NACAD: variants seen among roughly 807,000 people sequenced by gnomAD.
The protein encoded by NACAD is NAC alpha domain containing.
NACAD carries 47 observed loss-of-function variants against 98.9 expected under a neutral mutation model. The observed-to-expected ratio is 0.48, with a 90% confidence interval of 0.38 to 0.61. The LOEUF is 0.61. NACAD is among the 20% of genes least tolerant of loss of function. NACAD has a pLI of 0.00. For synonymous variants in NACAD, 696 were observed against 767.2 expected (o/e 0.91, Z 1.53); for missense variants, 1,412 against 1,748.2 (o/e 0.81, Z 3.43).
At position 45,088,597 on chromosome 7, in the gene NACAD, C is replaced by T. The variant is rs1307514328; in HGVS notation, c.67+231G>A. ...GGTCGGAAGCCAAGGGCTTAAGCCC[C>T]CACGTTCTTTCTGGCTCGCGGCGGG... On this transcript the variant is annotated intron_variant, in intron 1 of 7. Coordinates refer to ENST00000490531, the MANE Select transcript of NACAD (RefSeq NM_001146334.2). This position sits in a 1 kb window ranked among gnomAD's most constrained non-coding sequence, Gnocchi z 5.7. Among the ~76,000 whole-genome samples, 1 of 152,228 alleles carries T rather than the reference C, an allele frequency of 6.6e-6. No homozygotes were observed. The highest frequency in any genetic ancestry group is 1.5e-5 in the Non-Finnish European group (1 of 68,042).
chr7:45,082,711 C>A lies in NACAD; in HGVS notation c.3469G>T (p.Val1157Leu), dbSNP rs1784450858. 6.6e-7 allele frequency: 1 copy of A among 1,525,946 alleles called. No individual in the cohort carries two copies. The allele number at this position is 1,525,946 out of a possible 1,614,324, so 94.5% of individuals were successfully genotyped here. A position where few individuals can be genotyped will look rare whatever the true frequency, so the allele number is the denominator to read the frequency against. Reference sequence around the variant, plus strand: ...CTGTCCAGACTGGACACAGCCCCTACTGAAGACTCTGGGCAGGAGTCCAGA... The same window carrying A: ...CTGTCCAGACTGGACACAGCCCCTAATGAAGACTCTGGGCAGGAGTCCAGA... Reference protein sequence around the residue: ...ASLDSCPESSVGAVSSLDRGC... With the variant: ...ASLDSCPESSLGAVSSLDRGC... Residue 1157 changes from valine to leucine, a missense_variant, in exon 2 of 8, where the codon GTA becomes TTA. Val to Leu is a conservative substitution (Grantham distance 32). Coordinates refer to ENST00000490531, the MANE Select transcript of NACAD (RefSeq NM_001146334.2). The surrounding 1 kb of genome is among the most constrained non-coding windows in gnomAD (Gnocchi z 4.5).
rs1052273661 is a variant in NACAD at position 45,083,231 on chromosome 7, ATTC to A, written c.2946_2948del (p.Lys982del). The stretch of plus-strand genomic sequence containing the variant: ...GCTCCGGGACTGTAGGGAGGGCTGC[ATTC>A]TTCTCCTCAGGTGCTGGCCTGGGGC... On this transcript the variant is annotated inframe_deletion, in exon 2 of 8. Coordinates refer to ENST00000490531, the MANE Select transcript of NACAD (RefSeq NM_001146334.2). 8.4e-6 allele frequency: 13 copies of A among 1,550,774 alleles called. No individual in the cohort carries two copies. The Admixed American group carries it at 1.8e-4, about 21-fold the overall frequency.
At chr7:45,087,788 G>A (rs1358161630) in intron 1 of NACAD, among the ~76,000 whole-genome samples, 1 of 152,224 alleles carries the variant, frequency 6.6e-6, no homozygotes, top group African/African-American at 2.4e-5. Context: ...TCAGGAGTGG[G>A]CGTGGCTGGT....
chr7:45,083,083 G>A lies in NACAD; in HGVS notation c.3097C>T (p.Pro1033Ser). 1 of 1,550,830 alleles carries A rather than the reference G, an allele frequency of 6.4e-7. No homozygotes were observed. The highest frequency in any genetic ancestry group is 1.2e-5 in the South Asian group (1 of 84,068). The change falls in exon 2 of 8, where the codon CCG becomes TCG. Residue 1033 changes from proline to serine, a missense_variant. Around this residue, in one of 5 missense-constraint regions of NACAD, gnomAD observed 572 missense variants for 639.6 expected, o/e 0.89. Coordinates refer to ENST00000490531, the MANE Select transcript of NACAD (RefSeq NM_001146334.2). ...ATTTCCTCCCCAGCACCAGAGGCCGGCTCAGGGAGACTGAGGGCCTCCATG... is the reference window on the plus strand; with the variant it reads ...ATTTCCTCCCCAGCACCAGAGGCCGACTCAGGGAGACTGAGGGCCTCCATG... ...LGMEALSLPE[P>S]ASGAGEEIAE...
Position 45,088,180 on chromosome 7 carries a change from C to T in NACAD, c.67+648G>A, listed in dbSNP as rs1215513647. Reference sequence around the variant, plus strand: ...TCGGCTCTTTCTAGGCCCCGTAGACCCCATCAGCCTCCACCAGCATTTGTT... The same window carrying T: ...TCGGCTCTTTCTAGGCCCCGTAGACTCCATCAGCCTCCACCAGCATTTGTT... On this transcript the variant is annotated intron_variant, in intron 1 of 7. Coordinates refer to ENST00000490531, the MANE Select transcript of NACAD (RefSeq NM_001146334.2). The surrounding 1 kb of genome is among the most constrained non-coding windows in gnomAD (Gnocchi z 5.7). Among the ~76,000 whole-genome samples, 1 of 152,200 alleles carries T rather than the reference C, an allele frequency of 6.6e-6. No homozygotes were observed. Among genetic ancestry groups the T allele is most frequent in the Non-Finnish European group, 1.5e-5 (1 of 68,028 alleles).
rs987264146 is a variant in NACAD at position 45,084,612 on chromosome 7, G to A, written c.1568C>T (p.Ala523Val). ...GCCCTCCTGGGAGGGCTGAGGCATTGCCATGGCAGCAGATTCTTGTCCAGC... is the reference window on the plus strand; with the variant it reads ...GCCCTCCTGGGAGGGCTGAGGCATTACCATGGCAGCAGATTCTTGTCCAGC... ...STAGQESAAM[A>V]MPQPSQEGIS... Residue 523 changes from alanine to valine, a missense_variant, in exon 2 of 8, where the codon GCA becomes GTA. Coordinates refer to ENST00000490531, the MANE Select transcript of NACAD (RefSeq NM_001146334.2). 4 of 1,551,612 alleles carry A rather than the reference G, an allele frequency of 2.6e-6. No homozygotes were observed. The African/African-American group carries it at 5.5e-5, about 21-fold the overall frequency.
chr7:45,082,508 G>C lies in NACAD; in HGVS notation c.3672C>G (p.Pro1224=). Residue 1224 remains proline (P), a synonymous_variant, in exon 2 of 8, where the codon CCC becomes CCG. Transcript: ENST00000490531. This position sits in a 1 kb window ranked among gnomAD's most constrained non-coding sequence, Gnocchi z 4.5. ...CAGGAGCAGAAGGGTCAGGGCCCAG[G>C]GGCCTGTCCACGGGCGTGCTGGGCT... ...KGQPSTPVDR[P]LGPDPSAPGT... is the part of the protein sequence containing the mutation. 6.5e-7 allele frequency: 1 copy of C among 1,549,738 alleles called. No homozygotes were observed. The highest frequency in any genetic ancestry group is 1.2e-5 in the South Asian group (1 of 84,034).
In NACAD at chr7:45,088,870, C is replaced by T. The variant is rs1050522844; in HGVS notation, c.25G>A (p.Glu9Lys). The change falls in exon 1 of 8, where the codon GAG becomes AAG. Residue 9 changes from glutamate to lysine, a missense_variant. Transcript: ENST00000490531. This position sits in a 1 kb window ranked among gnomAD's most constrained non-coding sequence, Gnocchi z 5.7. ...CGGTCCGCCTCGGGCAGCAGCAGCT[C>T]GGCGCGGGCAGCCTCCCCAGGCATG... MPGEAARA[E>K]LLLPEADRPG... 8 of 1,485,744 alleles carry T rather than the reference C, an allele frequency of 5.4e-6. No individual in the cohort carries two copies. The highest frequency in any genetic ancestry group is 1.3e-5 in the South Asian group (1 of 79,380). The allele number at this position is 1,485,744 out of a possible 1,614,324, so 92.0% of individuals were successfully genotyped here.
In NACAD at chr7:45,088,742, GA is replaced by G; in HGVS notation, c.67+85del. On this transcript the variant is annotated intron_variant, in intron 1 of 7. Coordinates refer to ENST00000490531, the MANE Select transcript of NACAD (RefSeq NM_001146334.2). This position sits in a 1 kb window ranked among gnomAD's most constrained non-coding sequence, Gnocchi z 5.7. ...CGAGGGGGGCCAGGGGGATGGGGGA[GA>G]GGGGTGAAAGGTGAGCGATGGAAAG... The G allele has an allele frequency of 8.6e-7, 1 of 1,159,206 alleles. No homozygotes were observed. The highest frequency in any genetic ancestry group is 3.2e-5 in the East Asian group (1 of 31,376). The allele number at this position is 1,159,206 out of a possible 1,614,324, so 71.8% of individuals were successfully genotyped here. A position where few individuals can be genotyped will look rare whatever the true frequency, so the allele number is the denominator to read the frequency against.
chr7:45,086,096 C>G lies in NACAD; in HGVS notation c.84G>C (p.Ala28=). 1.3e-6 allele frequency: 2 copies of G among 1,535,836 alleles called. No homozygotes were observed. Among genetic ancestry groups the G allele is most frequent in the Non-Finnish European group, 1.7e-6 (2 of 1,146,804 alleles). ...PGPRTDLSCD[A]AAATTILGGD... ...CTCCCAGGATGGTGGTGGCAGCGGC[C>G]GCATCGCAGGACAGATCTGTGGAGA... Residue 28 remains alanine, a synonymous_variant, in exon 2 of 8, where the codon GCG becomes GCC. Transcript: ENST00000490531.
At position 45,080,626 on chromosome 7, in the gene NACAD, C is replaced by G; in HGVS notation, c.4674+14G>C. The G allele has an allele frequency of 6.4e-7, 1 of 1,551,340 alleles. No homozygotes were observed. On this transcript the variant is annotated intron_variant, in intron 7 of 7. Transcript: ENST00000490531. ...ACAGCTCAGGGGTAGGGAAAGGGGC[C>G]AGTGCTCACTCACCATGATGGCGTT...
Position 45,084,748 on chromosome 7 carries a change from C to G in NACAD, c.1432G>C (p.Glu478Gln). The G allele has an allele frequency of 1.3e-6, 2 of 1,551,122 alleles. No homozygotes were observed. Among genetic ancestry groups the G allele is most frequent in the Non-Finnish European group, 1.7e-6 (2 of 1,146,944 alleles). Reference sequence around the variant, plus strand: ...TGAGGGGTCACAGTGGCAGTGGACTCCTGGCCTAAAGCAAGGCCCTCTTCT... The same window carrying G: ...TGAGGGGTCACAGTGGCAGTGGACTGCTGGCCTAAAGCAAGGCCCTCTTCT... ...VTEEGLALGQESTATVTPHTL... is the reference protein window; with the variant it reads ...VTEEGLALGQQSTATVTPHTL... The change falls in exon 2 of 8, where the codon GAG becomes CAG. Residue 478 changes from glutamate to glutamine, a missense_variant. Physicochemically the swap from Glu to Gln is conservative, Grantham distance 29. Around this residue, in one of 5 missense-constraint regions of NACAD, gnomAD observed 638 missense variants for 722.7 expected, o/e 0.88. Transcript: ENST00000490531.
Position 45,082,003 on chromosome 7 carries a change from G to T in NACAD, c.4072+105C>A. 6.9e-7 allele frequency: 1 copy of T among 1,447,704 alleles called. No individual in the cohort carries two copies. 89.7% of individuals were successfully genotyped at this position (1,447,704 alleles called of 1,614,324 possible). On this transcript the variant is annotated intron_variant, in intron 2 of 7. Coordinates refer to ENST00000490531, the MANE Select transcript of NACAD (RefSeq NM_001146334.2). The surrounding 1 kb of genome is among the most constrained non-coding windows in gnomAD (Gnocchi z 4.5). ...TCTCCATGGTGGCTGTGGGGTCTGG[G>T]CCCCCCACCTCGCCACCTCAGAGGC...
In NACAD at chr7:45,086,051, A is replaced by C; in HGVS notation, c.129T>G (p.Cys43Trp). The change falls in exon 2 of 8, where the codon TGT becomes TGG. Residue 43 changes from cysteine (C) to tryptophan (W), a missense_variant. Physicochemically the swap from Cys to Trp is radical, Grantham distance 215. Transcript: ENST00000490531. ...TILGGDRREP[C>W]ALTPGPSHLA... ...GGTGGCTGGGCCCTGGGGTCAGAGC[A>C]CAGGGCTCCCGCCGGTCCCCTCCCA... is the stretch of plus-strand genomic sequence containing the variant. 1 of 1,535,632 alleles carries C rather than the reference A, an allele frequency of 6.5e-7. No individual in the cohort carries two copies. Among genetic ancestry groups the C allele is most frequent in the Non-Finnish European group, 8.7e-7 (1 of 1,146,568 alleles).
At chr7:45,087,319 G>C (rs1339508247) in intron 1 of NACAD, among the ~76,000 whole-genome samples, 1 of 152,204 alleles carries the variant, frequency 6.6e-6, no homozygotes, top group African/African-American at 2.4e-5. Context: ...TGCTCTAAAT[G>C]CTCATAAGCT....
intron 7 of NACAD, 46 bp downstream of exon 7, chr7:45,080,594 C>G (rs1784413032): frequency 2.6e-6 from 4 of 1,551,458 alleles, no homozygotes; most frequent in Non-Finnish European, 3.5e-6. Flanking sequence ...TCTCGAGGCC[C>G]TTGGGGACAG....
In NACAD at chr7:45,085,205, C is replaced by T; in HGVS notation, c.975G>A (p.Glu325=). 6.4e-7 allele frequency: 1 copy of T among 1,551,414 alleles called. No individual in the cohort carries two copies. Among genetic ancestry groups the T allele is most frequent in the South Asian group, 1.2e-5 (1 of 84,052 alleles). ...GSLIFQVEAV[E]VTPLSPEEEE... ...CTTCCTCTGGGGATAGCGGTGTCACCTCCACTGCCTCCACCTGAAAGATGA... is the reference window on the plus strand; with the variant it reads ...CTTCCTCTGGGGATAGCGGTGTCACTTCCACTGCCTCCACCTGAAAGATGA... The change falls in exon 2 of 8, where the codon GAG becomes GAA. Residue 325 remains glutamate (E), a synonymous_variant. Coordinates refer to ENST00000490531, the MANE Select transcript of NACAD (RefSeq NM_001146334.2). The surrounding 1 kb of genome is among the most constrained non-coding windows in gnomAD (Gnocchi z 6.1).
rs374132491 is a variant in NACAD at position 45,080,688 on chromosome 7, G to C, written c.4626C>G (p.Ala1542=). 1.9e-6 allele frequency: 3 copies of C among 1,551,126 alleles called. No homozygotes were observed. The highest frequency in any genetic ancestry group is 2.6e-6 in the Non-Finnish European group (3 of 1,146,962). The change falls in exon 7 of 8, where the codon GCC becomes GCG. Residue 1542 remains alanine (A), a synonymous_variant. Coordinates refer to ENST00000490531, the MANE Select transcript of NACAD (RefSeq NM_001146334.2). Reference sequence around the variant, plus strand: ...TGTGGTTGTCTCTCAGAGCCCGCACGGCCTTGGCCCTGGACACATTGGCCT... The same window carrying C: ...TGTGGTTGTCTCTCAGAGCCCGCACCGCCTTGGCCCTGGACACATTGGCCT... ...MAQANVSRAK[A]VRALRDNHSD... is the part of the protein sequence containing the mutation.
chr7:45,082,663 G>C lies in NACAD; in HGVS notation c.3517C>G (p.Pro1173Ala), dbSNP rs751245138. The C allele has an allele frequency of 1.4e-5, 21 of 1,507,502 alleles. No homozygotes were observed. In the South Asian group the frequency reaches 2.6e-4, roughly 19 times the overall value. The allele number at this position is 1,507,502 out of a possible 1,614,324, so 93.4% of individuals were successfully genotyped here. ...LDRGCPDAPA[P>A]TSAPTSQQPE... ...TGCTGGGAGGTTGGTGCAGACGTGG[G>C]GGCAGGCGCGTCAGGGCAGCCTCTG... The change falls in exon 2 of 8, where the codon CCC becomes GCC. Residue 1173 changes from proline (P) to alanine (A), a missense_variant. This residue lies in a region of NACAD where 572 missense variants were observed against 639.6 expected (regional missense o/e 0.89). Transcript: ENST00000490531. This position sits in a 1 kb window ranked among gnomAD's most constrained non-coding sequence, Gnocchi z 4.5.
Sources: allele counts gnomAD v4.1 joint callset (sites outside exome capture counted in the v4.1 genomes callset), GRCh38; gene constraint gnomAD v4.1.1; regional missense constraint gnomAD v4.1.1; non-coding constraint Gnocchi (gnomAD v3.1); transcripts MANE v1.5; gene names NCBI Gene and HGNC (gene_info 2026-07-23, HGNC 2026-07-21).